Variants in BRAF observed in about 807,000 individuals in gnomAD.
BRAF encodes the protein B-Raf proto-oncogene, serine/threonine kinase.
In BRAF, 16 loss-of-function variants were observed where a neutral mutation model predicts 104.6. That is an observed-to-expected ratio of 0.15 (90% CI 0.10 to 0.23). BRAF has a LOEUF of 0.23. Among genes scored for constraint, BRAF ranks in the 10% least tolerant of loss-of-function variants. The pLI is 1.00. For missense variants in BRAF, 541 were observed against 937.3 expected, an observed-to-expected ratio of 0.58 and a Z score of 5.52; for synonymous variants, 310 against 341.6, an observed-to-expected ratio of 0.91 and a Z score of 1.02.
chr7:140,764,729 C>A (rs1182590033), intron 14 of BRAF, among the ~76,000 whole-genome samples: 1 of 152,102 alleles, frequency 6.6e-6, no homozygotes, highest in Non-Finnish European at 1.5e-5. Context: ...TACTTAGGAA[C>A]CCAACTTACA....
chr7:140,804,355 C>A (rs1803437855), intron 5 of BRAF, among the ~76,000 whole-genome samples: 2 of 151,664 alleles, frequency 1.3e-5, no homozygotes, highest in African/African-American at 4.9e-5. Flanking sequence ...TAGGCGCACA[C>A]CATCACACCT....
At chr7:140,808,351 C>CAAAAA (rs35843886) in intron 4 of BRAF, 22 of 199,092 alleles carry the variant, frequency 1.1e-4, no homozygotes, top group East Asian at 3.1e-4. Flanking sequence ...TCCTGGGGTC[C>CAAAAA]AAAAAAAAAA....
chr7:140,924,871 C>T lies in BRAF; in HGVS notation c.-168G>A. 1 of 231,490 alleles carries T rather than the reference C, an allele frequency of 4.3e-6. No homozygotes were observed. Among genetic ancestry groups the T allele is most frequent in the South Asian group, 1.5e-4 (1 of 6,544 alleles). 14.3% of individuals were successfully genotyped at this position (231,490 alleles called of 1,614,324 possible). On this transcript the variant is annotated 5_prime_UTR_variant, in exon 1 of 20. Coordinates refer to ENST00000644969, the MANE Select transcript of BRAF (RefSeq NM_001374258.1). This position sits in a 1 kb window ranked among gnomAD's most constrained non-coding sequence, Gnocchi z 4.2. ...CGCCGCGGGCGGAGGGCGCCTGGGC[C>T]ACCTCAGGTACCGGCCCGCGGCCCC...
At chr7:140,786,503 C>A (rs1390924289) in intron 9 of BRAF, among the ~76,000 whole-genome samples, 1 of 152,112 alleles carries the variant, frequency 6.6e-6, no homozygotes, top group East Asian at 1.9e-4. Context: ...TCAAATATCA[C>A]CTCTTATAAA....
rs1211687847 is a variant in BRAF at position 140,724,542 on chromosome 7, A to G, written c.*1952T>C. On this transcript the variant is annotated 3_prime_UTR_variant, in exon 20 of 20. Coordinates refer to ENST00000644969, the MANE Select transcript of BRAF (RefSeq NM_001374258.1). ...ACAAATTTGCTTTTCAAACTGATTA[A>G]TAACTTAAGGATCTTTTCCATTTTA... 1.9e-6 allele frequency: 2 copies of G among 1,043,948 alleles called. No homozygotes were observed. Among genetic ancestry groups the G allele is most frequent in the Non-Finnish European group, 2.3e-6 (2 of 865,892 alleles). 64.7% of individuals were successfully genotyped at this position (1,043,948 alleles called of 1,614,324 possible).
chr7:140,783,221 T>C (rs1801048843), intron 10 of BRAF, 64 bp from the exon 10 acceptor site: 2 of 1,585,068 alleles, frequency 1.3e-6, no homozygotes, highest in Non-Finnish European at 1.7e-6. Context: ...TTATCAGGGG[T>C]AGAAGGTTGG....
Position 140,787,560 on chromosome 7 carries a change from G to A in BRAF, c.1165C>T (p.Arg389Cys), listed in dbSNP as rs397507472. The change falls in exon 9 of 20, where the codon CGT becomes TGT. Residue 389 changes from arginine (R) to cysteine (C), a missense_variant. This residue lies in a region of BRAF where 109 missense variants were observed against 143.9 expected (regional missense o/e 0.76). Coordinates refer to ENST00000644969, the MANE Select transcript of BRAF (RefSeq NM_001374258.1). ...AATCACTACTTACCTCCATCACCACGAAATCCTTGGTCTCTAATCAAGTCC... is the reference window on the plus strand; with the variant it reads ...AATCACTACTTACCTCCATCACCACAAAATCCTTGGTCTCTAATCAAGTCC... ...IDDLIRDQGF[R>C]GDGAPLNQLM... is the part of the protein sequence containing the mutation. 12 of 1,612,336 alleles carry A rather than the reference G, an allele frequency of 7.4e-6. No homozygotes were observed. Among genetic ancestry groups the A allele is most frequent in the African/African-American group, 2.7e-5 (2 of 74,850 alleles).
At chr7:140,733,587 C>T (rs1449201162) in intron 19 of BRAF, 1 of 152,152 alleles carries the variant, frequency 6.6e-6, no homozygotes, top group Admixed American at 6.5e-5. Context: ...GAAGAGCATT[C>T]ATTCATCATA....
chr7:140,877,140 A>G (rs1812352186), intron 1 of BRAF, among the ~76,000 whole-genome samples: 1 of 152,174 alleles, frequency 6.6e-6, no homozygotes, highest in South Asian at 2.1e-4. Flanking sequence ...AAACATGACA[A>G]TAAGGTTAAT....
In BRAF at chr7:140,787,548, C is replaced by T. The variant is rs748393685; in HGVS notation, c.1177G>A (p.Ala393Thr). The T allele has an allele frequency of 4.3e-6, 7 of 1,612,008 alleles. No individual in the cohort carries two copies. The South Asian group carries it at 7.7e-5, about 18-fold the overall frequency. Residue 393 changes from alanine to threonine, a missense_variant and splice_region_variant, in exon 9 of 20, where the codon GCC becomes ACC. By Grantham distance (58) the Ala-to-Thr change is moderately conservative. Transcript: ENST00000644969. ...AAAAAAACCTGAAATCACTACTTAC[C>T]TCCATCACCACGAAATCCTTGGTCT... Reference protein sequence around the residue: ...IRDQGFRGDGAPLNQLMRCLR... With the variant: ...IRDQGFRGDGTPLNQLMRCLR...
chr7:140,852,088 G>T (rs1445487798), intron 1 of BRAF, among the ~76,000 whole-genome samples: 3 of 152,118 alleles, frequency 2.0e-5, no homozygotes, highest in Non-Finnish European at 4.4e-5. Context: ...GCAGAAGCTG[G>T]CCTAGCATAG....
intron 3 of BRAF, among the ~76,000 whole-genome samples, chr7:140,811,714 A>G (rs1214820051): frequency 6.6e-6 from 1 of 152,214 alleles, no homozygotes; most frequent in Non-Finnish European, 1.5e-5. Flanking sequence ...GTGCAAGCAC[A>G]CTTTTAAGCC....
intron 18 of BRAF, among the ~76,000 whole-genome samples, chr7:140,735,915 A>G (rs911721701): frequency 1.3e-5 from 2 of 152,192 alleles, no homozygotes; most frequent in South Asian, 4.1e-4. Flanking sequence ...GATGATTAGT[A>G]TAAGACAAAG....
chr7:140,726,078 T>C lies in BRAF; in HGVS notation c.*416A>G, dbSNP rs549718808. ...AGGAAAGAGAACGATGCTTGGTGATTGAAACTGCCCCATCAGATGATCAGC... is the reference window on the plus strand; with the variant it reads ...AGGAAAGAGAACGATGCTTGGTGATCGAAACTGCCCCATCAGATGATCAGC... On this transcript the variant is annotated 3_prime_UTR_variant, in exon 20 of 20. Transcript: ENST00000644969. The C allele has an allele frequency of 1.8e-5, 19 of 1,082,482 alleles. No homozygotes were observed. The highest frequency in any genetic ancestry group is 4.3e-5 in the South Asian group (1 of 22,990). The allele number at this position is 1,082,482 out of a possible 1,614,324, so 67.1% of individuals were successfully genotyped here. A position where few individuals can be genotyped will look rare whatever the true frequency, so the allele number is the denominator to read the frequency against.
Position 140,724,874 on chromosome 7 carries a change from T to C in BRAF, c.*1620A>G, listed in dbSNP as rs1795514764. The C allele has an allele frequency of 1.9e-6, 2 of 1,038,624 alleles. No individual in the cohort carries two copies. Among genetic ancestry groups the C allele is most frequent in the Admixed American group, 1.1e-4 (2 of 17,786 alleles). The allele number at this position is 1,038,624 out of a possible 1,614,324, so 64.3% of individuals were successfully genotyped here. On this transcript the variant is annotated 3_prime_UTR_variant, in exon 20 of 20. Coordinates refer to ENST00000644969, the MANE Select transcript of BRAF (RefSeq NM_001374258.1). ...TAATTTGCCATTAATACATCCGCTT[T>C]CTTTGCTATGACTGTGATTGATATT...
chr7:140,816,477 C>G (rs1173593942), intron 3 of BRAF, among the ~76,000 whole-genome samples: 2 of 152,026 alleles, frequency 1.3e-5, no homozygotes, highest in Non-Finnish European at 2.9e-5. Context: ...AAGAACATAC[C>G]TTTTCCTTAA....
chr7:140,824,846 C>T (rs995770055), intron 3 of BRAF, among the ~76,000 whole-genome samples: 2 of 152,084 alleles, frequency 1.3e-5, no homozygotes, highest in Non-Finnish European at 1.5e-5. Context: ...AAGGGTATCG[C>T]GTGCCTATTT....
Position 140,891,675 on chromosome 7 carries a change from C to G in BRAF, c.138+32891G>C, listed in dbSNP as rs1262839616. ...GTTCCTCGATTTGAGGGCATTAAAT[C>G]CCAAATAGCATCCTCCAGGCATGAC... On this transcript the variant is annotated intron_variant, in intron 1 of 19. Coordinates refer to ENST00000644969, the MANE Select transcript of BRAF (RefSeq NM_001374258.1). Among the ~76,000 whole-genome samples, 2 of 151,900 alleles carry G rather than the reference C, an allele frequency of 1.3e-5. 1 individual carries two copies. The highest frequency in any genetic ancestry group is 4.8e-5 in the African/African-American group (2 of 41,324).
chr7:140,785,267 CTTTAAT>C (rs1480050225), intron 10 of BRAF, among the ~76,000 whole-genome samples: 1 of 152,070 alleles, frequency 6.6e-6, no homozygotes. Context: ...TCCATTGACA[CTTTAAT>C]TTTCTTAAAA....
Sources: allele counts gnomAD v4.1 joint callset (sites outside exome capture counted in the v4.1 genomes callset), GRCh38; gene constraint gnomAD v4.1.1; regional missense constraint gnomAD v4.1.1; non-coding constraint Gnocchi (gnomAD v3.1); transcripts MANE v1.5; gene names NCBI Gene and HGNC (gene_info 2026-07-23, HGNC 2026-07-21).